The following ZFP1 variants were observed in gnomAD, a reference collection of about 807,000 sequenced individuals.
ZFP1 encodes the protein ZFP1 zinc finger protein.
A neutral mutation model predicts 38.5 loss-of-function variants in ZFP1; 32 were observed. The ratio of observed to expected loss-of-function variants is 0.83; its 90% CI spans 0.63 to 1.12. The LOEUF (loss-of-function observed/expected upper bound fraction) is 1.12. Among genes scored for constraint, ZFP1 ranks in the 50% most tolerant of loss-of-function variants. The pLI is 0.00. For missense variants in ZFP1, 616 were observed against 480.8 expected (o/e 1.28, Z -2.63); for synonymous variants, 245 against 168.8 (o/e 1.45, Z -3.50).
intron 2 of ZFP1, 137 bp from the exon 3 acceptor site, chr16:75,166,633 C>A: frequency 6.7e-7 from 1 of 1,497,886 alleles, no homozygotes; most frequent in Non-Finnish European, 8.9e-7. Context: ...TTTTGGAAGA[C>A]ATGAACAAAA....
intron 2 of ZFP1, among the ~76,000 whole-genome samples, chr16:75,161,856 C>T (rs1226999371): frequency 7.5e-6 from 1 of 134,222 alleles, no homozygotes; most frequent in South Asian, 2.6e-4. Flanking sequence ...ACGATCTAGG[C>T]TCACTGCACC....
At chr16:75,150,859 C>G (rs1303966966) in intron 1 of ZFP1, among the ~76,000 whole-genome samples, 1 of 152,192 alleles carries the variant, frequency 6.6e-6, no homozygotes, top group Non-Finnish European at 1.5e-5. Flanking sequence ...GGGTCTGTCT[C>G]TGTTGCCCAA....
At chr16:75,165,088 A>C (rs1357609801) in intron 2 of ZFP1, among the ~76,000 whole-genome samples, 1 of 152,108 alleles carries the variant, frequency 6.6e-6, no homozygotes, top group Non-Finnish European at 1.5e-5. Context: ...TACAGGCATG[A>C]ACCATCGCGC....
upstream of ZFP1, among the ~76,000 whole-genome samples, chr16:75,147,634 G>T (rs530394733): frequency 6.6e-6 from 1 of 152,188 alleles, no homozygotes; most frequent in East Asian, 1.9e-4. Context: ...CAAATACACT[G>T]TTCTGGTGTG....
chr16:75,138,492 T>G, the ZFP1 span, among the ~76,000 whole-genome samples: 1 of 152,220 alleles, frequency 6.6e-6, no homozygotes, highest in African/African-American at 2.4e-5. Flanking sequence ...GTGGATAGCA[T>G]GTACCTTTAC....
the ZFP1 span, among the ~76,000 whole-genome samples, chr16:75,130,908 T>G: frequency 6.6e-6 from 1 of 151,754 alleles, no homozygotes; most frequent in Non-Finnish European, 1.5e-5. Flanking sequence ...CTCAAACAAA[T>G]GCAAAGCCCT....
the ZFP1 span, among the ~76,000 whole-genome samples, chr16:75,124,505 C>T: frequency 1.9e-3 from 279 of 144,264 alleles, 4 homozygotes; most frequent in Middle Eastern, 3.5e-3. Context: ...TAAAAGGGGC[C>T]GGGCATGGTG....
chr16:75,143,014 A>C, the ZFP1 span, among the ~76,000 whole-genome samples: 17 of 151,902 alleles, frequency 1.1e-4, no homozygotes, highest in African/African-American at 4.1e-4. Flanking sequence ...CAAATAAAAC[A>C]TTTTACATTT....
intron 2 of ZFP1, among the ~76,000 whole-genome samples, chr16:75,159,181 G>A (rs773251723): frequency 2.0e-5 from 3 of 151,382 alleles, no homozygotes; most frequent in Non-Finnish European, 2.9e-5. Flanking sequence ...TCAGGTATGC[G>A]CCACATGCCT....
intron 2 of ZFP1, among the ~76,000 whole-genome samples, chr16:75,159,767 C>T (rs542236730): frequency 4.6e-5 from 7 of 152,256 alleles, no homozygotes; most frequent in African/African-American, 1.4e-4. Flanking sequence ...TTGTATGATA[C>T]ATAGCTCCTT....
chr16:75,149,634 A>G (rs963936991), intron 1 of ZFP1, among the ~76,000 whole-genome samples: 24 of 133,690 alleles, frequency 1.8e-4, no homozygotes, highest in African/African-American at 6.8e-4. Context: ...ATCTCGGCTC[A>G]CTGCAACCTC....
At position 75,160,165 on chromosome 16, in the gene ZFP1, A is replaced by G. The variant is rs142125156; in HGVS notation, c.16-6605A>G. Among the ~76,000 whole-genome samples, 419 of 152,276 alleles carry G rather than the reference A, an allele frequency of 2.8e-3. 3 individuals carry two copies. Among genetic ancestry groups the G allele is most frequent in the African/African-American group, 9.3e-3 (386 of 41,554 alleles). On this transcript the variant is annotated intron_variant, in intron 2 of 3. Transcript: ENST00000570010. ...GCTTCTCTATGGCTTCTGTAGCGCC[A>G]TCATCCTATGTCTTACTCCATTTTG...
upstream of ZFP1, among the ~76,000 whole-genome samples, chr16:75,144,792 A>G (rs2036925652): frequency 6.6e-6 from 1 of 152,162 alleles, no homozygotes; most frequent in Non-Finnish European, 1.5e-5. Context: ...ATGGAATCAT[A>G]CAGTATTTGT....
At chr16:75,138,198 G>A in the ZFP1 span, among the ~76,000 whole-genome samples, 1 of 151,858 alleles carries the variant, frequency 6.6e-6, no homozygotes, top group African/African-American at 2.4e-5. Context: ...CACCACACCT[G>A]GCTAATTTTT....
the ZFP1 span, among the ~76,000 whole-genome samples, chr16:75,141,769 G>A: frequency 1.3e-5 from 2 of 151,414 alleles, no homozygotes; most frequent in Non-Finnish European, 2.9e-5. Context: ...AGAAAAAGAG[G>A]CTGCACCATG....
chr16:75,126,705 T>C, the ZFP1 span, among the ~76,000 whole-genome samples: 1 of 152,228 alleles, frequency 6.6e-6, no homozygotes, highest in Non-Finnish European at 1.5e-5. Context: ...GCCCAGCCAG[T>C]TAAATGAATT....
chr16:75,132,738 C>A, the ZFP1 span: 3 of 145,206 alleles, frequency 2.1e-5, no homozygotes, highest in African/African-American at 7.5e-5. Context: ...CTCGCTGCAA[C>A]CTCTGCCTCC....
upstream of ZFP1, among the ~76,000 whole-genome samples, chr16:75,146,096 A>G (rs1281029519): frequency 2.6e-5 from 4 of 152,070 alleles, no homozygotes; most frequent in East Asian, 7.7e-4. Context: ...AAGTCCCGCG[A>G]AGGGGTCCAG....
Position 75,169,336 on chromosome 16 carries a change from C to G in ZFP1, c.226C>G (p.Gln76Glu). 3.7e-6 allele frequency: 6 copies of G among 1,614,134 alleles called. No homozygotes were observed. Among genetic ancestry groups the G allele is most frequent in the African/African-American group, 1.3e-5 (1 of 75,042 alleles). The change falls in exon 4 of 4, where the codon CAA becomes GAA. Residue 76 changes from glutamine to glutamate, a missense_variant. Coordinates refer to ENST00000570010, the MANE Select transcript of ZFP1 (RefSeq NM_153688.4). The part of the protein sequence containing the change: ...QARQFLILKN[Q>E]TPIEERGDLF... ...GAGGCAATTTTTAATTCTTAAGAACCAAACCCCAATTGAGGAAAGAGGCGA... is the reference window on the plus strand; with the variant it reads ...GAGGCAATTTTTAATTCTTAAGAACGAAACCCCAATTGAGGAAAGAGGCGA...
Sources: gnomAD v4.1 joint callset for allele counts (sites outside exome capture counted in the v4.1 genomes callset) on GRCh38, gnomAD v4.1.1 for gene constraint, MANE v1.5 for transcripts, NCBI Gene and HGNC (gene_info 2026-07-23, HGNC 2026-07-21) for gene names.